The following ATL3 variants were observed in gnomAD, a reference collection of about 807,000 sequenced individuals.
ATL3 encodes the protein atlastin-3.
ATL3 carries 49 observed loss-of-function variants against 69.5 expected under a neutral mutation model. The observed-to-expected ratio is 0.71, with a 90% CI of 0.56 to 0.89. The LOEUF is 0.89. ATL3 is among the 40% of genes least tolerant of loss of function. The probability of loss-of-function intolerance (pLI) is 0.00; values close to 1 mark genes in which losing one functional copy is unlikely to be tolerated. For synonymous variants in ATL3, 214 were observed against 224.1 expected, an observed-to-expected ratio of 0.95 and a Z score of 0.40; for missense variants, 606 against 645.7, an observed-to-expected ratio of 0.94 and a Z score of 0.67.
intron 1 of ATL3, among the ~76,000 whole-genome samples, chr11:63,662,956 T>C (rs1039728764): frequency 2.0e-5 from 3 of 152,114 alleles, no homozygotes; most frequent in Non-Finnish European, 4.4e-5. Flanking sequence ...ATCACAAAGA[T>C]GGTTCCAAAA....
At chr11:63,629,797 G>A (rs1565266751) in intron 12 of ATL3, among the ~76,000 whole-genome samples, 1 of 152,184 alleles carries the variant, frequency 6.6e-6, no homozygotes, top group Non-Finnish European at 1.5e-5. Context: ...GCTGAGGTGG[G>A]AGGATCACTT....
rs2134524169 is a variant in ATL3 at position 63,659,138 on chromosome 11, T to C, written c.161A>G (p.His54Arg). 2.5e-6 allele frequency: 4 copies of C among 1,614,132 alleles called. No homozygotes were observed. Among genetic ancestry groups the C allele is most frequent in the Non-Finnish European group, 3.4e-6 (4 of 1,180,034 alleles). ...KALASILLQD[H>R]IRDLDVVVVS... is the part of the protein sequence containing the mutation. ...CACCACCACATCAAGATCTCGGATG[T>C]GGTCCTGCAAGAGGATGCTGGCCAA... The change falls in exon 2 of 13, where the codon CAC becomes CGC. Residue 54 changes from histidine to arginine, a missense_variant. Coordinates refer to ENST00000398868, the MANE Select transcript of ATL3 (RefSeq NM_015459.5).
chr11:63,638,573 C>T (rs1017793379), intron 8 of ATL3, among the ~76,000 whole-genome samples: 4 of 152,068 alleles, frequency 2.6e-5, no homozygotes, highest in African/African-American at 4.8e-5. Context: ...GGCATGGTAG[C>T]GCACTCCTGT....
chr11:63,660,013 AAAACTT>A (rs1940373339), intron 1 of ATL3, among the ~76,000 whole-genome samples: 1 of 152,038 alleles, frequency 6.6e-6, no homozygotes, highest in South Asian at 2.1e-4. Flanking sequence ...CATGTACCCT[AAAACTT>A]AAAGTATAAT....
At chr11:63,635,183 T>C (rs953861462) in intron 10 of ATL3, among the ~76,000 whole-genome samples, 3 of 151,760 alleles carry the variant, frequency 2.0e-5, no homozygotes, top group Non-Finnish European at 2.9e-5. Context: ...AATTAGAAAT[T>C]ATATAAAAAT....
At position 63,624,857 on chromosome 11, in the gene ATL3, A is replaced by C. The variant is rs1338256485; in HGVS notation, c.*4462T>G. 1 of 152,074 alleles carries C rather than the reference A, an allele frequency of 6.6e-6. No homozygotes were observed. The highest frequency in any genetic ancestry group is 1.5e-5 in the Non-Finnish European group (1 of 68,018). 9.4% of individuals were successfully genotyped at this position (152,074 alleles called of 1,614,324 possible). Reference sequence around the variant, plus strand: ...CCACCTATTCTAAACCTCAGGTACAAAGTGTCCACTTGCCTCCAGACAATA... The same window carrying C: ...CCACCTATTCTAAACCTCAGGTACACAGTGTCCACTTGCCTCCAGACAATA... On this transcript the variant is annotated 3_prime_UTR_variant, in exon 13 of 13. Coordinates refer to ENST00000398868, the MANE Select transcript of ATL3 (RefSeq NM_015459.5).
intron 5 of ATL3, among the ~76,000 whole-genome samples, chr11:63,650,287 T>C (rs1183483982): frequency 6.6e-6 from 1 of 152,230 alleles, no homozygotes; most frequent in African/African-American, 2.4e-5. Flanking sequence ...TGTTAAATCT[T>C]TTATATGCCT....
intron 1 of ATL3, among the ~76,000 whole-genome samples, chr11:63,667,242 C>A (rs1162288160): frequency 6.6e-6 from 1 of 152,158 alleles, no homozygotes; most frequent in Admixed American, 6.5e-5. Context: ...ATGGGGACTA[C>A]TTCATTGCTG....
At chr11:63,631,005 T>C (rs767450095) in intron 12 of ATL3, 35 bp downstream of exon 12, 1 of 1,550,650 alleles carries the variant, frequency 6.4e-7, no homozygotes, top group Admixed American at 2.0e-5. Context: ...ATCTGCCCAT[T>C]ATCAACCCTC....
chr11:63,636,060 G>T, intron 9 of ATL3, 147 bp downstream of exon 9: 1 of 981,152 alleles, frequency 1.0e-6, no homozygotes, highest in Non-Finnish European at 1.5e-6. Flanking sequence ...GCCCACTCCT[G>T]GAAGGACACC....
At chr11:63,648,463 T>C (rs530998832) in intron 5 of ATL3, among the ~76,000 whole-genome samples, 1 of 152,284 alleles carries the variant, frequency 6.6e-6, no homozygotes, top group African/African-American at 2.4e-5. Flanking sequence ...AAGCTCCCAG[T>C]TGGATTGTTA....
upstream of ATL3, chr11:63,671,617 G>A (rs577814282): frequency 5.3e-3 from 7,521 of 1,421,030 alleles, 32 homozygotes; most frequent in Non-Finnish European, 6.1e-3. Context: ...GCGTGTGCGC[G>A]AAGCGAGCCG....
intron 3 of ATL3, among the ~76,000 whole-genome samples, chr11:63,658,542 T>C (rs1364889858): frequency 6.6e-6 from 1 of 152,208 alleles, no homozygotes; most frequent in Admixed American, 6.5e-5. Flanking sequence ...AGACTACAGC[T>C]AGACATCAGA....
At chr11:63,651,815 T>A (rs747506018) in intron 5 of ATL3, 121 bp downstream of exon 5, 1 of 1,390,566 alleles carries the variant, frequency 7.2e-7, no homozygotes, top group Non-Finnish European at 9.4e-7. Context: ...AGAATTACTA[T>A]GAACCAAAAA....
intron 5 of ATL3, among the ~76,000 whole-genome samples, chr11:63,648,148 T>C (rs1407252001): frequency 6.6e-6 from 1 of 152,130 alleles, no homozygotes; most frequent in African/African-American, 2.4e-5. Flanking sequence ...AATCTAGACT[T>C]AGATACCAAA....
intron 1 of ATL3, among the ~76,000 whole-genome samples, chr11:63,662,275 T>C (rs1350180044): frequency 2.0e-5 from 3 of 150,934 alleles, no homozygotes; most frequent in South Asian, 2.1e-4. Context: ...TGTGGACTTA[T>C]GGGAAGTTCA....
chr11:63,640,707 C>T (rs537455439), intron 8 of ATL3, among the ~76,000 whole-genome samples: 1 of 147,226 alleles, frequency 6.8e-6, no homozygotes, highest in South Asian at 2.1e-4. Context: ...CAGATTCAGG[C>T]GATTCTCCTG....
At chr11:63,644,370 A>ACGTAAT in intron 6 of ATL3, 109 bp from the exon 7 acceptor site, 5 of 577,354 alleles carry the variant, frequency 8.7e-6, no homozygotes, top group Non-Finnish European at 1.5e-5. Flanking sequence ...GGGGTAAAGT[A>ACGTAAT]GAAGGATTTA....
rs1223842555 is a variant in ATL3, at chr11:63,628,410, T to C, written c.*909A>G. 1 of 152,066 alleles carries C rather than the reference T, an allele frequency of 6.6e-6. No individual in the cohort carries two copies. Among genetic ancestry groups the C allele is most frequent in the East Asian group, 1.9e-4 (1 of 5,192 alleles). 9.4% of individuals were successfully genotyped at this position (152,066 alleles called of 1,614,324 possible). On this transcript the variant is annotated 3_prime_UTR_variant, in exon 13 of 13. Coordinates refer to ENST00000398868, the MANE Select transcript of ATL3 (RefSeq NM_015459.5). ...TTTCAGAGTATGGTATATTTAAATATGACATGATTTTTCCACACTATGTGG... is the reference window on the plus strand; with the variant it reads ...TTTCAGAGTATGGTATATTTAAATACGACATGATTTTTCCACACTATGTGG...
Sources: gnomAD v4.1 joint callset for allele counts (sites outside exome capture counted in the v4.1 genomes callset) on GRCh38, gnomAD v4.1.1 for gene constraint, MANE v1.5 for transcripts, NCBI Gene and HGNC (gene_info 2026-07-23, HGNC 2026-07-21) for gene names.